Variants in IGF2R observed in about 807,000 individuals in gnomAD.
IGF2R encodes insulin like growth factor 2 receptor.
Under a neutral mutation model 270.6 loss-of-function variants are expected in IGF2R, and 91 were observed. That is an observed-to-expected ratio of 0.34 (90% CI 0.28 to 0.40). The LOEUF (loss-of-function observed/expected upper bound fraction) is 0.40, where lower values mean the gene tolerates loss of function less well. Ranked by LOEUF, IGF2R falls within the 10% of genes least tolerant of loss-of-function variation. The pLI is 1.00. For synonymous variants in IGF2R, 1,316 were observed against 1,258.9 expected, an observed-to-expected ratio of 1.05 and a Z score of -0.96; for missense variants, 2,805 against 3,188.3, an observed-to-expected ratio of 0.88 and a Z score of 2.90.
rs188892244 is a variant in IGF2R at position 160,014,083 on chromosome 6, A to G, written c.513+3298A>G. On this transcript the variant is annotated intron_variant, in intron 4 of 47. Coordinates refer to ENST00000356956, the MANE Select transcript of IGF2R (RefSeq NM_000876.4). ...ATGGGCAAAAATCATGGTAGTTACA[A>G]ACAGCCCTTTAAAACTATTGTTATA... is the stretch of plus-strand genomic sequence containing the variant. Among the ~76,000 whole-genome samples the G allele has an allele frequency of 3.4e-4, 52 of 152,326 alleles. No individual in the cohort carries two copies. In the East Asian group the frequency reaches 8.5e-3, roughly 25 times the overall value.
rs1272249051 is a variant in IGF2R, at chr6:160,050,951, A to G, written c.2694+299A>G. Reference sequence around the variant, plus strand: ...TCGTACAGACATTATCTTGCCTCTTAGTTCTTGTGAGTTGAGGATCGTGGC... The same window carrying G: ...TCGTACAGACATTATCTTGCCTCTTGGTTCTTGTGAGTTGAGGATCGTGGC... On this transcript the variant is annotated intron_variant, in intron 19 of 47. Coordinates refer to ENST00000356956, the MANE Select transcript of IGF2R (RefSeq NM_000876.4). The surrounding 1 kb of genome is among the most constrained non-coding windows in gnomAD (Gnocchi z 4.0). Among the ~76,000 whole-genome samples, 1 of 151,924 alleles carries G rather than the reference A, an allele frequency of 6.6e-6. No individual in the cohort carries two copies. The highest frequency in any genetic ancestry group is 2.4e-5 in the African/African-American group (1 of 41,326).
rs1778932206 is a variant in IGF2R, at chr6:160,079,570, T to G, written c.5479-10T>G. 7.0e-7 allele frequency: 1 copy of G among 1,418,966 alleles called. No homozygotes were observed. The allele number at this position is 1,418,966 out of a possible 1,614,324, so 87.9% of individuals were successfully genotyped here. On this transcript the variant is annotated splice_polypyrimidine_tract_variant and intron_variant, in intron 37 of 47. Coordinates refer to ENST00000356956, the MANE Select transcript of IGF2R (RefSeq NM_000876.4). ...CACTCTGCTGACGGCCACGCATGGT[T>G]TTTGTCCAGGTGACTCGCGACTCGC... is the stretch of plus-strand genomic sequence containing the variant.
At chr6:160,021,573 C>T (rs933592041) in intron 4 of IGF2R, among the ~76,000 whole-genome samples, 1 of 150,282 alleles carries the variant, frequency 6.7e-6, no homozygotes, top group Non-Finnish European at 1.5e-5. Context: ...TGCACATGTA[C>T]CCTAAAACTT....
intron 4 of IGF2R, among the ~76,000 whole-genome samples, chr6:160,021,449 G>A (rs1031156305): frequency 1.8e-5 from 2 of 112,462 alleles, no homozygotes; most frequent in Non-Finnish European, 3.5e-5. Flanking sequence ...GTTGTGGGGT[G>A]GGGGGCGGGG....
Position 160,085,130 on chromosome 6 carries a change from A to AG in IGF2R, c.6205+1dup. ...TTCACACGCAGAAGCTGGGTGTCAT[A>AG]GGTAAGGCCTGTGGGTCCTGGTCCT... On this transcript the variant is annotated frameshift_variant and splice_region_variant, in exon 41 of 48. Coordinates refer to ENST00000356956, the MANE Select transcript of IGF2R (RefSeq NM_000876.4). LOFTEE classifies it high-confidence loss of function. 1 of 1,613,068 alleles carries AG rather than the reference A, an allele frequency of 6.2e-7. No individual in the cohort carries two copies. Among genetic ancestry groups the AG allele is most frequent in the Non-Finnish European group, 8.5e-7 (1 of 1,179,762 alleles).
rs1050396087 is a variant in IGF2R, at chr6:160,063,691, T to G, written c.3886+61T>G. On this transcript the variant is annotated intron_variant, in intron 27 of 47. Coordinates refer to ENST00000356956, the MANE Select transcript of IGF2R (RefSeq NM_000876.4). ...GAATGGAATTAAAATATTAAAATAT[T>G]TTGCTGAAGATGAATTTTCCCTTGA... The G allele has an allele frequency of 1.4e-5, 18 of 1,322,546 alleles. No homozygotes were observed. The Admixed American group carries it at 3.0e-4, about 22-fold the overall frequency. The allele number at this position is 1,322,546 out of a possible 1,614,324, so 81.9% of individuals were successfully genotyped here.
rs1185511688 is a variant in IGF2R, at chr6:160,073,949, A to G, written c.5140A>G (p.Lys1714Glu). 1 of 1,613,338 alleles carries G rather than the reference A, an allele frequency of 6.2e-7. No individual in the cohort carries two copies. Residue 1714 changes from lysine to glutamate, a missense_variant, in exon 35 of 48, where the codon AAA becomes GAA. By Grantham distance (56) the Lys-to-Glu change is moderately conservative (BLOSUM62 1). Transcript: ENST00000356956. ...VPCPAGAAVC[K>E]VPIDGPPIDI... is the part of the protein sequence containing the mutation. Reference sequence around the variant, plus strand: ...CTGTCCTGCCGGAGCCGCTGTGTGCAAAGTTCCTATTGATGGTCCCCCCAT... The same window carrying G: ...CTGTCCTGCCGGAGCCGCTGTGTGCGAAGTTCCTATTGATGGTCCCCCCAT...
In IGF2R at chr6:160,010,386, AGAG is replaced by A. The variant is rs540423810; in HGVS notation, c.415-297_415-295del. 178 of 232,476 alleles carry A rather than the reference AGAG, an allele frequency of 7.7e-4. 1 individual carries two copies. Among genetic ancestry groups the A allele is most frequent in the African/African-American group, 4.0e-3 (177 of 44,272 alleles). 14.4% of individuals were successfully genotyped at this position (232,476 alleles called of 1,614,324 possible). On this transcript the variant is annotated intron_variant, in intron 3 of 47. Coordinates refer to ENST00000356956, the MANE Select transcript of IGF2R (RefSeq NM_000876.4). ...TGCTTAAGAGAACATTTGGAGTTTGAGAGGAGAATGACTGAGGATTTCTTCCCA... is the reference window on the plus strand; with the variant it reads ...TGCTTAAGAGAACATTTGGAGTTTGAGAGAATGACTGAGGATTTCTTCCCA...
intron 1 of IGF2R, among the ~76,000 whole-genome samples, chr6:159,982,080 G>T (rs1783814505): frequency 1.3e-5 from 2 of 152,196 alleles, no homozygotes; most frequent in South Asian, 4.1e-4. Flanking sequence ...CCAGCCTTCA[G>T]CTCGGGGTAG....
rs1366588708 is a variant in IGF2R, at chr6:160,065,776, A to ATG, written c.4115+879_4115+880dup. ...CACATAAAGCATTTTTCCTAGAGATATGTGTATGTGTGTGTGTGTGTGTGT... is the reference window on the plus strand; with the variant it reads ...CACATAAAGCATTTTTCCTAGAGATATGTGTGTATGTGTGTGTGTGTGTGTGT... On this transcript the variant is annotated intron_variant, in intron 29 of 47. Coordinates refer to ENST00000356956, the MANE Select transcript of IGF2R (RefSeq NM_000876.4). 1.8e-3 allele frequency among the ~76,000 whole-genome samples: 194 copies of ATG among 109,902 alleles called. 2 individuals carry two copies. Among genetic ancestry groups the ATG allele is most frequent in the South Asian group, 4.5e-3 (13 of 2,868 alleles). 72.1% of individuals were successfully genotyped at this position (109,902 alleles called of 152,430 possible). A position where few individuals can be genotyped will look rare whatever the true frequency, so the allele number is the denominator to read the frequency against.
At chr6:160,048,349 A>G in intron 17 of IGF2R, 26 bp from the exon 18 acceptor site, 3 of 1,606,728 alleles carry the variant, frequency 1.9e-6, no homozygotes, top group Non-Finnish European at 2.6e-6. Flanking sequence ...CTTTAAAAGC[A>G]TATACATTTT....
intron 44 of IGF2R, among the ~76,000 whole-genome samples, chr6:160,091,836 GCT>G (rs1779233945): frequency 6.6e-6 from 1 of 152,212 alleles, no homozygotes; most frequent in South Asian, 2.1e-4. Flanking sequence ...GAAAGTCTAG[GCT>G]CTCTCTGACA....
chr6:160,109,112 ATGT>A lies in IGF2R; in HGVS notation c.*4033_*4035del, dbSNP rs796503958. On this transcript the variant is annotated 3_prime_UTR_variant, in exon 48 of 48. Coordinates refer to ENST00000356956, the MANE Select transcript of IGF2R (RefSeq NM_000876.4). ...CAAATTGAATAAAAAGTAATTGATA[ATGT>A]TGTTTTGATGCTCAGTGTTTGAGGG... is the stretch of plus-strand genomic sequence containing the variant. 2.0e-4 allele frequency: 31 copies of A among 152,356 alleles called. No homozygotes were observed. The highest frequency in any genetic ancestry group is 6.3e-4 in the African/African-American group (26 of 41,588). 9.4% of individuals were successfully genotyped at this position (152,356 alleles called of 1,614,324 possible).
chr6:160,048,643 G>A, intron 18 of IGF2R, 100 bp downstream of exon 18: 1 of 1,242,180 alleles, frequency 8.1e-7, no homozygotes, highest in Non-Finnish European at 1.1e-6. Context: ...AGGCAGCACA[G>A]CTGCTCGAGA....
intron 4 of IGF2R, among the ~76,000 whole-genome samples, chr6:160,014,263 A>G (rs961207755): frequency 1.3e-5 from 2 of 152,222 alleles, no homozygotes; most frequent in South Asian, 2.1e-4. Flanking sequence ...AGATTATTAT[A>G]TATAAAACAG....
At chr6:160,042,121 C>T (rs557980730) in intron 11 of IGF2R, among the ~76,000 whole-genome samples, 4 of 152,176 alleles carry the variant, frequency 2.6e-5, no homozygotes, top group East Asian at 1.9e-4. Context: ...TGCAGTATTT[C>T]GTGGTATTTG....
At chr6:159,993,258 T>G (rs1426767825) in intron 2 of IGF2R, among the ~76,000 whole-genome samples, 1 of 152,200 alleles carries the variant, frequency 6.6e-6, no homozygotes, top group African/African-American at 2.4e-5. Context: ...ACTTGGCTAT[T>G]TTTGTTTTGT....
intron 21 of IGF2R, 77 bp downstream of exon 21, chr6:160,058,201 T>C (rs1049484858): frequency 1.1e-5 from 10 of 942,526 alleles, no homozygotes; most frequent in Admixed American, 6.9e-5. Flanking sequence ...CTGCACGTGG[T>C]GATATGAGAG....
chr6:160,006,408 G>A (rs1364862962), intron 2 of IGF2R: 2 of 152,540 alleles, frequency 1.3e-5, no homozygotes, highest in African/African-American at 2.4e-5. Flanking sequence ...CGGGACAGTG[G>A]GAGCTGTCCA....
Sources: allele counts gnomAD v4.1 joint callset (sites outside exome capture counted in the v4.1 genomes callset), GRCh38; gene constraint gnomAD v4.1.1; non-coding constraint Gnocchi (gnomAD v3.1); transcripts MANE v1.5; gene names NCBI Gene and HGNC (gene_info 2026-07-23, HGNC 2026-07-21).